Variants in ITPR3 observed in about 807,000 individuals in gnomAD.
ITPR3 encodes inositol 1,4,5-trisphosphate-gated calcium channel ITPR3.
Under a neutral mutation model 293.2 loss-of-function variants are expected in ITPR3, and 173 were observed. The observed-to-expected ratio is 0.59, with a 90% CI of 0.52 to 0.67. ITPR3 has a LOEUF of 0.67. ITPR3 is among the 30% of genes least tolerant of loss of function. The pLI is 0.00. For synonymous variants in ITPR3, 1,295 were observed against 1,444.4 expected (o/e 0.90, Z 2.35); for missense variants, 2,796 against 3,592.1 (o/e 0.78, Z 5.66).
At chr6:33,637,845 C>T (rs1763862032) in intron 1 of ITPR3, among the ~76,000 whole-genome samples, 1 of 148,940 alleles carries the variant, frequency 6.7e-6, no homozygotes, top group African/African-American at 2.5e-5. Context: ...GATGGAGATT[C>T]GCCATGTTGG....
At chr6:33,647,845 G>A (rs1446587475) in intron 2 of ITPR3, among the ~76,000 whole-genome samples, 1 of 152,074 alleles carries the variant, frequency 6.6e-6, no homozygotes, top group Non-Finnish European at 1.5e-5. Context: ...GTCATTTTAT[G>A]TAAGAGCAGG....
Position 33,679,667 on chromosome 6 carries a change from C to T in ITPR3, c.3973-215C>T, listed in dbSNP as rs1032287950. On this transcript the variant is annotated intron_variant, in intron 30 of 57. Transcript: ENST00000605930. This position sits in a 1 kb window ranked among gnomAD's most constrained non-coding sequence, Gnocchi z 4.2. ...GGGACTTCTTTCCAGTGGGGAGAAG[C>T]GGGGACTTTCTGGGTCATGGGGTCA... 6.6e-6 allele frequency among the ~76,000 whole-genome samples: 1 copy of T among 152,016 alleles called. No individual in the cohort carries two copies. The highest frequency in any genetic ancestry group is 2.4e-5 in the African/African-American group (1 of 41,380).
intron 57 of ITPR3, 122 bp from the exon 58 acceptor site, chr6:33,695,590 C>T (rs755881327): frequency 6.4e-6 from 6 of 938,708 alleles, no homozygotes; most frequent in Middle Eastern, 2.5e-4. Context: ...CCTGGCCCGC[C>T]GCCAGTGCCG....
chr6:33,674,117 C>T, intron 23 of ITPR3, 91 bp from the exon 24 acceptor site: 1 of 1,463,018 alleles, frequency 6.8e-7, no homozygotes. Context: ...GCAGCCAGTG[C>T]AGGGAAGAGG....
intron 1 of ITPR3, among the ~76,000 whole-genome samples, chr6:33,626,878 T>C (rs1763560398): frequency 6.6e-6 from 1 of 152,216 alleles, no homozygotes; most frequent in African/African-American, 2.4e-5. Flanking sequence ...CAATCTCAGC[T>C]CACCACAACC....
intron 51 of ITPR3, among the ~76,000 whole-genome samples, chr6:33,690,674 G>A (rs1393972729): frequency 6.6e-6 from 1 of 152,146 alleles, no homozygotes; most frequent in African/African-American, 2.4e-5. Flanking sequence ...TCAGCCACCC[G>A]TTTCACCCCT....
chr6:33,690,178 G>A lies in ITPR3; in HGVS notation c.7012G>A (p.Glu2338Lys), dbSNP rs1320638266. The A allele has an allele frequency of 6.2e-7, 1 of 1,613,658 alleles. No homozygotes were observed. Among genetic ancestry groups the A allele is most frequent in the Non-Finnish European group, 8.5e-7 (1 of 1,179,802 alleles). ...LTSVLGLFAH[E>K]LFYSILLFDL... is the part of the protein sequence containing the mutation. ...CAGTGTCCTGGGCCTCTTTGCTCAT[G>A]AGCTGTTCTACAGCATCCTGGTGAG... The change falls in exon 51 of 58, where the codon GAG becomes AAG. Residue 2338 changes from glutamate (E) to lysine (K), a missense_variant. Glu to Lys is a moderately conservative substitution (Grantham distance 56). Around this residue, in one of 8 missense-constraint regions of ITPR3, gnomAD observed 568 missense variants for 796.1 expected, o/e 0.71. Coordinates refer to ENST00000605930, the MANE Select transcript of ITPR3 (RefSeq NM_002224.4).
rs564097323 is a variant in ITPR3, at chr6:33,673,807, G to C, written c.3058+87G>C. On this transcript the variant is annotated intron_variant, in intron 23 of 57. Coordinates refer to ENST00000605930, the MANE Select transcript of ITPR3 (RefSeq NM_002224.4). ...GGGGTGGAGCCAGCTCCTCAGCCCT[G>C]CTCCTTTTTCTAGTCTGCAAAGGCC... 771 of 1,488,810 alleles carry C rather than the reference G, an allele frequency of 5.2e-4. 4 individuals carry two copies. In the African/African-American group the frequency reaches 6.1e-3, roughly 12 times the overall value. The allele number at this position is 1,488,810 out of a possible 1,614,324, so 92.2% of individuals were successfully genotyped here.
chr6:33,674,342 T>C, intron 24 of ITPR3, 77 bp downstream of exon 24: 1 of 1,423,610 alleles, frequency 7.0e-7, no homozygotes, highest in Admixed American at 1.8e-5. Context: ...TCTGGGTTCC[T>C]GGGCTGGGGG....
chr6:33,670,775 T>C lies in ITPR3; in HGVS notation c.2546T>C (p.Val849Ala), dbSNP rs770409434. The C allele has an allele frequency of 6.2e-7, 1 of 1,614,042 alleles. No homozygotes were observed. Among genetic ancestry groups the C allele is most frequent in the Non-Finnish European group, 8.5e-7 (1 of 1,180,008 alleles). ...DYLNNVVSEA[V>A]PFANEEKNKL... ...CTCAACAATGTAGTCAGCGAGGCCG[T>C]GCCCTTTGCCAACGAGGAGAAGAAC... is the stretch of plus-strand genomic sequence containing the variant. Residue 849 changes from valine (V) to alanine (A), a missense_variant, in exon 20 of 58, where the codon GTG (valine) becomes GCG (alanine). Around this residue, in one of 8 missense-constraint regions of ITPR3, gnomAD observed 955 missense variants for 1,180.8 expected, o/e 0.81. Coordinates refer to ENST00000605930, the MANE Select transcript of ITPR3 (RefSeq NM_002224.4). The surrounding 1 kb of genome is among the most constrained non-coding windows in gnomAD (Gnocchi z 6.7).
At chr6:33,648,147 C>G (rs1210154070) in intron 2 of ITPR3, among the ~76,000 whole-genome samples, 1 of 150,916 alleles carries the variant, frequency 6.6e-6, no homozygotes, top group Non-Finnish European at 1.5e-5. Flanking sequence ...CTTGCTGCAG[C>G]CTTGACCTCC....
intron 2 of ITPR3, among the ~76,000 whole-genome samples, chr6:33,651,276 CAAA>C (rs11284603): frequency 3.1e-4 from 32 of 103,126 alleles, no homozygotes; most frequent in Non-Finnish European, 3.5e-4. Flanking sequence ...GACTCCGTCT[CAAA>C]AAAAAAAAAA....
rs775032131 is a variant in ITPR3 at position 33,695,092 on chromosome 6, AC to A, written c.7947+11del. 5.0e-6 allele frequency: 8 copies of A among 1,612,334 alleles called. No individual in the cohort carries two copies. Among genetic ancestry groups the A allele is most frequent in the Non-Finnish European group, 3.4e-6 (4 of 1,179,492 alleles). On this transcript the variant is annotated splice_region_variant and intron_variant, in intron 57 of 57. Coordinates refer to ENST00000605930, the MANE Select transcript of ITPR3 (RefSeq NM_002224.4). ...CAACGAGCTCAAGGAGCAGGTGTGC[AC>A]CCCGCCTGATCCCAGGCCCACCCTG... is the stretch of plus-strand genomic sequence containing the variant.
At chr6:33,663,707 G>T (rs781183897) in intron 10 of ITPR3, 31 bp from the exon 11 acceptor site, 23 of 1,611,862 alleles carry the variant, frequency 1.4e-5, no homozygotes, top group Middle Eastern at 1.6e-4. Flanking sequence ...AAGAGGGAGG[G>T]CCTTCTACCT....
chr6:33,687,008 G>A lies in ITPR3; in HGVS notation c.5980-1G>A. 2 of 1,613,748 alleles carry A rather than the reference G, an allele frequency of 1.2e-6. No individual in the cohort carries two copies. Among genetic ancestry groups the A allele is most frequent in the Non-Finnish European group, 1.7e-6 (2 of 1,179,832 alleles). On this transcript the variant is annotated splice_acceptor_variant, in intron 43 of 57. Transcript: ENST00000605930. LOFTEE classifies it high-confidence loss of function. The surrounding 1 kb of genome is among the most constrained non-coding windows in gnomAD (Gnocchi z 5.3). ...CTGCCTCCCTCTGCCCCTCCACCCA[G>A]GACAATGCCTCCAAGCTGCTCCTGG...
At position 33,695,060 on chromosome 6, in the gene ITPR3, C is replaced by G; in HGVS notation, c.7922C>G (p.Ala2641Gly). The G allele has an allele frequency of 6.2e-7, 1 of 1,614,002 alleles. No individual in the cohort carries two copies. The change falls in exon 57 of 58, where the codon GCC becomes GGC. Residue 2641 changes from alanine to glycine, a missense_variant. By Grantham distance (60) the Ala-to-Gly change is moderately conservative. This residue lies in a region of ITPR3 where 568 missense variants were observed against 796.1 expected (regional missense o/e 0.71). Transcript: ENST00000605930. ...STMKLVSHLT[A>G]QLNELKEQMT... ...ATGAAGCTGGTGTCCCACCTCACTG[C>G]CCAGCTCAACGAGCTCAAGGAGCAG... is the stretch of plus-strand genomic sequence containing the variant.
rs1456021666 is a variant in ITPR3 at position 33,658,167 on chromosome 6, G to A, written c.369+149G>A. 5.8e-6 allele frequency: 4 copies of A among 684,948 alleles called. No individual in the cohort carries two copies. Among genetic ancestry groups the A allele is most frequent in the Non-Finnish European group, 1.0e-5 (4 of 381,954 alleles). 42.4% of individuals were successfully genotyped at this position (684,948 alleles called of 1,614,324 possible). On this transcript the variant is annotated intron_variant, in intron 4 of 57. Transcript: ENST00000605930. The surrounding 1 kb of genome is among the most constrained non-coding windows in gnomAD (Gnocchi z 6.1). The stretch of plus-strand genomic sequence containing the variant: ...GCCCTGGGGCCACCTGTGTGGCTGT[G>A]CGTCTGACTGTGTGTGTGTCTGTTG...
chr6:33,646,840 C>T (rs1764078681), intron 2 of ITPR3, among the ~76,000 whole-genome samples: 1 of 151,990 alleles, frequency 6.6e-6, no homozygotes, highest in Non-Finnish European at 1.5e-5. Flanking sequence ...TCGCATGAGG[C>T]CAGGAGGTCA....
Position 33,621,596 on chromosome 6 carries a change from C to G in ITPR3, c.-7C>G. The G allele has an allele frequency of 6.3e-7, 1 of 1,585,104 alleles. No individual in the cohort carries two copies. Among genetic ancestry groups the G allele is most frequent in the Non-Finnish European group, 8.6e-7 (1 of 1,165,092 alleles). The stretch of plus-strand genomic sequence containing the variant: ...CCCCACGCCCTGGGCCCCGGAGGGC[C>G]GCAGCCATGAGTGAAATGTCCAGCT... On this transcript the variant is annotated 5_prime_UTR_variant, in exon 1 of 58. Transcript: ENST00000605930. The surrounding 1 kb of genome is among the most constrained non-coding windows in gnomAD (Gnocchi z 7.7).
Sources: gnomAD v4.1 joint callset for allele counts (sites outside exome capture counted in the v4.1 genomes callset) on GRCh38, gnomAD v4.1.1 for gene constraint, gnomAD v4.1.1 regional missense constraint, Gnocchi (gnomAD v3.1) non-coding constraint, MANE v1.5 for transcripts, NCBI Gene and HGNC (gene_info 2026-07-23, HGNC 2026-07-21) for gene names.